ARHGEF11: variants seen among roughly 807,000 people sequenced by gnomAD.
ARHGEF11 encodes Rho guanine nucleotide exchange factor 11.
A neutral mutation model predicts 193.7 loss-of-function variants in ARHGEF11; 55 were observed. The observed-to-expected ratio is 0.28, with a 90% CI of 0.23 to 0.36. The LOEUF (loss-of-function observed/expected upper bound fraction) is 0.36, where lower values mean the gene tolerates loss of function less well. Among genes scored for constraint, ARHGEF11 ranks in the 10% least tolerant of loss-of-function variants. The probability of loss-of-function intolerance (pLI) is 1.00; values close to 1 mark genes in which losing one functional copy is unlikely to be tolerated. For missense variants in ARHGEF11, 1,723 were observed against 2,005.6 expected, an observed-to-expected ratio of 0.86 and a Z score of 2.69; for synonymous variants, 693 against 768.0, an observed-to-expected ratio of 0.90 and a Z score of 1.62.
At chr1:156,938,273 G>C in intron 38 of ARHGEF11, 145 bp downstream of exon 38, 1 of 698,092 alleles carries the variant, frequency 1.4e-6, no homozygotes, top group South Asian at 2.2e-5. Flanking sequence ...CCCGTCTTTA[G>C]AGCCAGATCT....
intron 1 of ARHGEF11, among the ~76,000 whole-genome samples, chr1:157,013,615 C>T (rs559047851): frequency 6.6e-6 from 1 of 152,182 alleles, no homozygotes; most frequent in South Asian, 2.1e-4. Flanking sequence ...CTCCTTCAAC[C>T]CACTTTGAGT....
intron 1 of ARHGEF11, among the ~76,000 whole-genome samples, chr1:157,029,968 T>G (rs917492496): frequency 6.6e-6 from 1 of 151,946 alleles, no homozygotes; most frequent in African/African-American, 2.4e-5. Context: ...AAAAGTAGAT[T>G]AGTGGTTTTC....
rs1385198520 is a variant in ARHGEF11, at chr1:156,936,910, A to G, written c.4536T>C (p.Ala1512=). 5.6e-6 allele frequency: 9 copies of G among 1,614,144 alleles called. No homozygotes were observed. The highest frequency in any genetic ancestry group is 6.8e-6 in the Non-Finnish European group (8 of 1,180,024). The part of the protein sequence containing the change: ...TPVGSFHTEA[A]RWTDGSLSPP... ...GTGAGAGGGAGCCATCTGTCCATCT[A>G]GCTGCTTCTGTGTGGAAACTGCCCA... The change falls in exon 40 of 41, where the codon GCT becomes GCC. Residue 1512 remains alanine (A), a synonymous_variant. Coordinates refer to ENST00000368194, the MANE Select transcript of ARHGEF11 (RefSeq NM_198236.3).
At position 156,948,361 on chromosome 1, in the gene ARHGEF11, A is replaced by G. The variant is rs1571197155; in HGVS notation, c.2063T>C (p.Leu688Pro). The change falls in exon 23 of 41, where the codon CTG becomes CCG. Residue 688 changes from leucine (L) to proline (P), a missense_variant. Around this residue, in one of 5 missense-constraint regions of ARHGEF11, gnomAD observed 491 missense variants for 654.5 expected, o/e 0.75. Coordinates refer to ENST00000368194, the MANE Select transcript of ARHGEF11 (RefSeq NM_198236.3). This position sits in a 1 kb window ranked among gnomAD's most constrained non-coding sequence, Gnocchi z 4.2. ...DMDAAAEATR[L>P]HQSASSSTSS... ...GGTAGAGGACGAGGCTGACTGGTGC[A>G]GGCGAGTAGCCTCCGCAGCAGCATC... is the stretch of plus-strand genomic sequence containing the variant. The G allele has an allele frequency of 6.2e-7, 1 of 1,614,240 alleles. No homozygotes were observed. The highest frequency in any genetic ancestry group is 8.5e-7 in the Non-Finnish European group (1 of 1,180,044).
In ARHGEF11 at chr1:156,958,762, C is replaced by G; in HGVS notation, c.1482G>C (p.Leu494=). 1 of 1,614,196 alleles carries G rather than the reference C, an allele frequency of 6.2e-7. No homozygotes were observed. Among genetic ancestry groups the G allele is most frequent in the South Asian group, 1.1e-5 (1 of 91,072 alleles). ...LRERQVAEKQ[L]AALGDILSKY... ...CTCACAAAATATCTCCAAGGGCAGC[C>G]AGCTGCTTCTCAGCCACTTGGCGCT... Residue 494 remains leucine, a synonymous_variant, in exon 17 of 41, where the codon CTG becomes CTC. Transcript: ENST00000368194.
At chr1:156,998,983 A>T (rs991491690) in intron 1 of ARHGEF11, among the ~76,000 whole-genome samples, 1 of 152,192 alleles carries the variant, frequency 6.6e-6, no homozygotes, top group Non-Finnish European at 1.5e-5. Flanking sequence ...TATTAGGAGT[A>T]GAAGTCAGGG....
chr1:156,958,662 G>A, intron 17 of ARHGEF11, 80 bp downstream of exon 17: 1 of 1,577,036 alleles, frequency 6.3e-7, no homozygotes, highest in Non-Finnish European at 8.7e-7. Context: ...AAGAGGGGGA[G>A]AGGTTGAAAG....
intron 1 of ARHGEF11, among the ~76,000 whole-genome samples, chr1:157,030,410 G>A (rs1204110435): frequency 1.3e-5 from 2 of 152,122 alleles, no homozygotes; most frequent in Non-Finnish European, 2.9e-5. Flanking sequence ...GCAAAGAAGA[G>A]GGACTTATCC....
chr1:157,027,466 G>A (rs1207123138), intron 1 of ARHGEF11, among the ~76,000 whole-genome samples: 2 of 152,126 alleles, frequency 1.3e-5, no homozygotes, highest in Non-Finnish European at 2.9e-5. Flanking sequence ...ATAATTGGAT[G>A]TCATATAAAA....
intron 21 of ARHGEF11, among the ~76,000 whole-genome samples, chr1:156,953,787 C>T (rs1160338071): frequency 6.6e-6 from 1 of 152,170 alleles, no homozygotes; most frequent in Non-Finnish European, 1.5e-5. Flanking sequence ...TGTGACAATT[C>T]ACTGTAGGCT....
intron 1 of ARHGEF11, among the ~76,000 whole-genome samples, chr1:157,040,878 CATT>C (rs1454807807): frequency 6.6e-6 from 1 of 152,140 alleles, no homozygotes; most frequent in African/African-American, 2.4e-5. Flanking sequence ...ATGAAACAAA[CATT>C]ATAATCCTCA....
chr1:156,954,783 A>C (rs1332340169), intron 21 of ARHGEF11, 109 bp downstream of exon 21: 2 of 910,846 alleles, frequency 2.2e-6, no homozygotes, highest in Non-Finnish European at 3.5e-6. Flanking sequence ...AAAGGGAGGG[A>C]GGAGGAACAG....
chr1:156,969,818 A>G (rs952435895), intron 9 of ARHGEF11, among the ~76,000 whole-genome samples, 180 bp downstream of exon 9: 3 of 152,142 alleles, frequency 2.0e-5, no homozygotes, highest in African/African-American at 4.8e-5. Context: ...ACTCTATTCT[A>G]CTGCCTAAGT....
At position 156,978,502 on chromosome 1, in the gene ARHGEF11, G is replaced by A. The variant is rs1663596717; in HGVS notation, c.332-120C>T. 15 of 1,393,262 alleles carry A rather than the reference G, an allele frequency of 1.1e-5. No homozygotes were observed. The South Asian group carries it at 2.1e-4, about 20-fold the overall frequency. The allele number at this position is 1,393,262 out of a possible 1,614,324, so 86.3% of individuals were successfully genotyped here. ...TTAAACTCATTATTCTGTAGATTAA[G>A]TTCTCCTCACTTTTAATGCCCCACC... On this transcript the variant is annotated intron_variant, in intron 5 of 40. Coordinates refer to ENST00000368194, the MANE Select transcript of ARHGEF11 (RefSeq NM_198236.3).
intron 1 of ARHGEF11, among the ~76,000 whole-genome samples, chr1:157,006,780 C>T (rs531972302): frequency 1.3e-5 from 2 of 152,314 alleles, no homozygotes; most frequent in African/African-American, 4.8e-5. Context: ...AACGATTTGA[C>T]TGGTATGTGA....
At chr1:156,954,417 A>AAAAAAT (rs1659627972) in intron 21 of ARHGEF11, among the ~76,000 whole-genome samples, 1 of 142,310 alleles carries the variant, frequency 7.0e-6, no homozygotes, top group African/African-American at 2.7e-5. Flanking sequence ...AAAAAAAAAA[A>AAAAAAT]ATCTGAGGCA....
Position 156,942,671 on chromosome 1 carries a change from C to T in ARHGEF11, c.3326+19G>A, listed in dbSNP as rs2101865413. ...CGAAAGGGACCACAGTTACGGGTAACCCCTCAATCAATTCTCACGTGTTCT... is the reference window on the plus strand; with the variant it reads ...CGAAAGGGACCACAGTTACGGGTAATCCCTCAATCAATTCTCACGTGTTCT... On this transcript the variant is annotated intron_variant, in intron 33 of 40. Coordinates refer to ENST00000368194, the MANE Select transcript of ARHGEF11 (RefSeq NM_198236.3). 1.9e-6 allele frequency: 3 copies of T among 1,609,756 alleles called. No individual in the cohort carries two copies. The highest frequency in any genetic ancestry group is 2.6e-6 in the Non-Finnish European group (3 of 1,176,118).
intron 7 of ARHGEF11, among the ~76,000 whole-genome samples, chr1:156,976,009 A>AT (rs1379114455): frequency 6.6e-6 from 1 of 152,190 alleles, no homozygotes; most frequent in Non-Finnish European, 1.5e-5. Flanking sequence ...ATAATATAGT[A>AT]TATCTTCATT....
intron 1 of ARHGEF11, among the ~76,000 whole-genome samples, chr1:157,011,251 A>G (rs1375918797): frequency 6.6e-6 from 1 of 152,206 alleles, no homozygotes; most frequent in African/African-American, 2.4e-5. Context: ...AGACTTTTCA[A>G]TAAATGGTGC....
Sources: allele counts gnomAD v4.1 joint callset (sites outside exome capture counted in the v4.1 genomes callset), GRCh38; gene constraint gnomAD v4.1.1; regional missense constraint gnomAD v4.1.1; non-coding constraint Gnocchi (gnomAD v3.1); transcripts MANE v1.5; gene names NCBI Gene and HGNC (gene_info 2026-07-23, HGNC 2026-07-21).